RNF213: variants seen among roughly 807,000 people sequenced by gnomAD.
RNF213 encodes E3 ubiquitin-protein ligase RNF213.
In RNF213, 341 loss-of-function variants were observed where a neutral mutation model predicts 514.4. That is an observed-to-expected ratio of 0.66 (90% CI 0.61 to 0.73). The LOEUF (loss-of-function observed/expected upper bound fraction) is 0.73, where lower values mean the gene tolerates loss of function less well. RNF213 is among the 30% of genes least tolerant of loss of function. The pLI is 0.00. For synonymous variants in RNF213, 2,655 were observed against 2,658.2 expected, an observed-to-expected ratio of 1.00 and a Z score of 0.04; for missense variants, 5,767 against 6,615.6, an observed-to-expected ratio of 0.87 and a Z score of 4.45.
At chr17:80,379,479 C>T in intron 54 of RNF213, 141 bp from the exon 55 acceptor site, 1 of 820,350 alleles carries the variant, frequency 1.2e-6, no homozygotes. Flanking sequence ...GTTCTCCACC[C>T]ACCCGAAACA....
In RNF213 at chr17:80,288,605, C is replaced by G. The variant is rs1397015602; in HGVS notation, c.811-28C>G. 1.9e-6 allele frequency: 3 copies of G among 1,614,160 alleles called. No homozygotes were observed. In the South Asian group the frequency reaches 3.3e-5, roughly 18 times the overall value. Reference sequence around the variant, plus strand: ...GAGTCACCCTGGCCCATTTTGTCACCTTGGCTCTGGTGTTTGGGGTCTTTC... The same window carrying G: ...GAGTCACCCTGGCCCATTTTGTCACGTTGGCTCTGGTGTTTGGGGTCTTTC... On this transcript the variant is annotated intron_variant, in intron 4 of 67. Coordinates refer to ENST00000582970, the MANE Select transcript of RNF213 (RefSeq NM_001256071.3). The surrounding 1 kb of genome is among the most constrained non-coding windows in gnomAD (Gnocchi z 4.9).
At chr17:80,348,729 C>G (rs1242232918) in intron 29 of RNF213, among the ~76,000 whole-genome samples, 3 of 152,186 alleles carry the variant, frequency 2.0e-5, no homozygotes, top group African/African-American at 4.8e-5. Flanking sequence ...GAGATGTTCC[C>G]TAGGAGAAGC....
intron 17 of RNF213, chr17:80,320,029 ATTGT>A: frequency 9.8e-7 from 1 of 1,023,788 alleles, no homozygotes; most frequent in Non-Finnish European, 1.2e-6. Context: ...TTGTTGAGAT[ATTGT>A]TCGTATGCCA....
At chr17:80,342,735 A>ATG (rs1568097834) in intron 26 of RNF213, among the ~76,000 whole-genome samples, 1 of 145,528 alleles carries the variant, frequency 6.9e-6, no homozygotes, top group East Asian at 2.0e-4. Context: ...TATATATATT[A>ATG]TATATATATT....
chr17:80,291,505 G>C (rs2044727802), intron 7 of RNF213, 123 bp from the exon 8 acceptor site: 1 of 962,506 alleles, frequency 1.0e-6, no homozygotes, highest in Non-Finnish European at 1.7e-6. Context: ...TTTCAGGCAT[G>C]GGCCACTGAA....
intron 67 of RNF213, among the ~76,000 whole-genome samples, chr17:80,391,760 CTTTTTTTTTT>C (rs779136667): frequency 1.2e-4 from 11 of 88,634 alleles, no homozygotes; most frequent in South Asian, 3.6e-4. Flanking sequence ...ATAAACTAGC[CTTTTTTTTTT>C]TTTTTTTTTT....
rs947894148 is a variant in RNF213, at chr17:80,340,204, A to G, written c.5837A>G (p.His1946Arg). Residue 1946 changes from histidine to arginine, a missense_variant, in exon 26 of 68, where the codon CAC (histidine) becomes CGC (arginine). Around this residue, in one of 13 missense-constraint regions of RNF213, gnomAD observed 1,377 missense variants for 1,635.2 expected, o/e 0.84. Transcript: ENST00000582970. ...TACCTCCCCTCTGCCTTCAGCCAGC[A>G]CAAGGTCTTCGTCACCCCCCAGGCA... ...HCYLPSAFSQ[H>R]KVFVTPQAPL... is the part of the protein sequence containing the mutation. The G allele has an allele frequency of 6.2e-7, 1 of 1,613,894 alleles. No homozygotes were observed. The highest frequency in any genetic ancestry group is 1.3e-5 in the African/African-American group (1 of 74,888).
intron 59 of RNF213, 50 bp downstream of exon 59, chr17:80,383,978 C>T (rs1435639811): frequency 3.7e-6 from 6 of 1,612,430 alleles, no homozygotes; most frequent in Middle Eastern, 1.7e-4. Flanking sequence ...CAGAGTTCCC[C>T]AGCAGGCCTG....
rs749636418 is a variant in RNF213, at chr17:80,390,177, C to T, written c.15451C>T (p.Arg5151Cys). 40 of 1,613,894 alleles carry T rather than the reference C, an allele frequency of 2.5e-5. No homozygotes were observed. Among genetic ancestry groups the T allele is most frequent in the African/African-American group, 8.0e-5 (6 of 74,914 alleles). Residue 5151 changes from arginine to cysteine, a missense_variant, in exon 67 of 68, where the codon CGC becomes TGC. By Grantham distance (180) the Arg-to-Cys change is radical. Around this residue, in one of 13 missense-constraint regions of RNF213, gnomAD observed 1,245 missense variants for 1,339.0 expected, o/e 0.93. Coordinates refer to ENST00000582970, the MANE Select transcript of RNF213 (RefSeq NM_001256071.3). ...LKNPQTQTEE[R>C]FRPQWSLRDT... Reference sequence around the variant, plus strand: ...GAACCCCCAAACCCAAACCGAGGAGCGCTTCCGCCCTCAGTGGAGGTATGG... The same window carrying T: ...GAACCCCCAAACCCAAACCGAGGAGTGCTTCCGCCCTCAGTGGAGGTATGG...
intron 39 of RNF213, 116 bp downstream of exon 39, chr17:80,362,004 C>T (rs958204339): frequency 2.4e-6 from 3 of 1,254,616 alleles, no homozygotes; most frequent in Non-Finnish European, 3.4e-6. Flanking sequence ...AGTCTGGGAA[C>T]AGAACATGGT....
intron 61 of RNF213, 64 bp from the exon 62 acceptor site, chr17:80,386,186 C>G (rs1289440098): frequency 6.6e-7 from 1 of 1,522,890 alleles, no homozygotes; most frequent in Non-Finnish European, 9.0e-7. Flanking sequence ...CCCTCCTCCC[C>G]ACGCCTAGAT....
intron 52 of RNF213, 56 bp downstream of exon 52, chr17:80,376,599 C>A (rs1599177451): frequency 2.5e-6 from 4 of 1,611,692 alleles, no homozygotes; most frequent in South Asian, 2.2e-5. Context: ...CAGAGCTTGT[C>A]ACTGTAGAGA....
intron 2 of RNF213, among the ~76,000 whole-genome samples, chr17:80,270,149 C>CTGCGCATGCCT (rs1290992187): frequency 6.6e-6 from 1 of 152,244 alleles, no homozygotes; most frequent in African/African-American, 2.4e-5. Context: ...AGCTCGTGCC[C>CTGCGCATGCCT]TGCGCATGCC....
At chr17:80,389,948 A>C in intron 66 of RNF213, 31 bp downstream of exon 66, 1 of 1,612,402 alleles carries the variant, frequency 6.2e-7, no homozygotes, top group South Asian at 1.1e-5. Context: ...TCTGCTGGAC[A>C]GAGGGACTGC....
intron 67 of RNF213, among the ~76,000 whole-genome samples, chr17:80,391,219 G>A (rs939668477): frequency 4.6e-5 from 7 of 152,194 alleles, no homozygotes; most frequent in African/African-American, 1.7e-4. Context: ...TTACCGTGAG[G>A]CTGAACATGT....
chr17:80,391,289 T>C (rs2080462053), intron 67 of RNF213, among the ~76,000 whole-genome samples: 3 of 152,176 alleles, frequency 2.0e-5, no homozygotes. Flanking sequence ...GTTTTATTTT[T>C]TGAGACCGTG....
intron 63 of RNF213, among the ~76,000 whole-genome samples, chr17:80,387,651 C>T (rs2080291405): frequency 6.6e-6 from 1 of 152,228 alleles, no homozygotes; most frequent in Non-Finnish European, 1.5e-5. Context: ...TGGCTCTCTT[C>T]ATCCTGTGCC....
intron 49 of RNF213, 57 bp downstream of exon 49, chr17:80,373,222 C>G: frequency 4.0e-6 from 6 of 1,493,060 alleles, no homozygotes; most frequent in Non-Finnish European, 5.4e-6. Context: ...CCATACACCC[C>G]AAACCCACAC....
chr17:80,297,172 C>T (rs1236519328), intron 10 of RNF213, among the ~76,000 whole-genome samples: 4 of 151,656 alleles, frequency 2.6e-5, no homozygotes, highest in African/African-American at 4.8e-5. Flanking sequence ...TGTTTTGGGG[C>T]CGGGCACGGT....
Sources: allele counts gnomAD v4.1 joint callset (sites outside exome capture counted in the v4.1 genomes callset), GRCh38; gene constraint gnomAD v4.1.1; regional missense constraint gnomAD v4.1.1; non-coding constraint Gnocchi (gnomAD v3.1); transcripts MANE v1.5; gene names NCBI Gene and HGNC (gene_info 2026-07-23, HGNC 2026-07-21).